Variants in DLGAP2 observed in about 807,000 individuals in gnomAD.
DLGAP2 encodes disks large-associated protein 2.
DLGAP2 carries 26 observed loss-of-function variants against 100.3 expected under a neutral mutation model. That is an observed-to-expected ratio of 0.26 (90% CI 0.19 to 0.36). The LOEUF (loss-of-function observed/expected upper bound fraction) is 0.36, where lower values mean the gene tolerates loss of function less well. Among genes scored for constraint, DLGAP2 ranks in the 10% least tolerant of loss-of-function variants. DLGAP2 has a pLI of 1.00. For synonymous variants in DLGAP2, 886 were observed against 630.1 expected (o/e 1.41, Z -6.08); for missense variants, 1,858 against 1,453.2 (o/e 1.28, Z -4.53).
At chr8:1,280,798 G>T (rs927480585) in intron 3 of DLGAP2, among the ~76,000 whole-genome samples, 12 of 152,188 alleles carry the variant, frequency 7.9e-5, no homozygotes, top group African/African-American at 2.7e-4. Flanking sequence ...GTTTGCAGAT[G>T]TCACCTGTAA....
chr8:1,464,872 G>A (rs1304270651), intron 3 of DLGAP2, among the ~76,000 whole-genome samples: 2 of 152,160 alleles, frequency 1.3e-5, no homozygotes, highest in Non-Finnish European at 2.9e-5. Flanking sequence ...TTTCAGAGGA[G>A]GACATAGAAT....
chr8:1,407,560 A>G (rs80235001), intron 3 of DLGAP2, among the ~76,000 whole-genome samples: 582 of 77,510 alleles, frequency 7.5e-3, no homozygotes, highest in African/African-American at 0.029. Context: ...CCACCTCCTC[A>G]TCCTCCAGAG....
intron 3 of DLGAP2, among the ~76,000 whole-genome samples, chr8:1,498,384 A>T (rs984067953): frequency 2.0e-5 from 3 of 152,150 alleles, no homozygotes; most frequent in East Asian, 1.9e-4. Context: ...ATAAATAAAA[A>T]AAAAAAAATT....
At position 1,072,235 on chromosome 8, in the gene DLGAP2, G is replaced by A. The variant is rs183407194; in HGVS notation, c.73+164269G>A. Among the ~76,000 whole-genome samples the A allele has an allele frequency of 8.8e-4, 134 of 152,264 alleles. 1 individual carries two copies. The highest frequency in any genetic ancestry group is 3.1e-3 in the African/African-American group (128 of 41,548). ...GGGACCGGGAGCCTCCTGATTGATG[G>A]TGTTCAGATGCAGGGCACTCTCTCC... On this transcript the variant is annotated intron_variant, in intron 2 of 14. Transcript: ENST00000637795.
intron 3 of DLGAP2, among the ~76,000 whole-genome samples, chr8:1,286,924 A>G (rs958314301): frequency 6.6e-6 from 1 of 152,254 alleles, no homozygotes; most frequent in Admixed American, 6.5e-5. Context: ...ATGAGGGCTT[A>G]TGCTTGAACT....
intron 1 of DLGAP2, among the ~76,000 whole-genome samples, chr8:866,264 C>A (rs1301548909): frequency 2.0e-5 from 3 of 152,172 alleles, no homozygotes; most frequent in African/African-American, 7.2e-5. Flanking sequence ...CGGTATCTCT[C>A]ATGGACTCTC....
intron 2 of DLGAP2, among the ~76,000 whole-genome samples, chr8:1,004,477 A>G (rs1801049026): frequency 6.6e-6 from 1 of 152,214 alleles, no homozygotes; most frequent in African/African-American, 2.4e-5. Context: ...TTGGAGTATT[A>G]TATTCAAAAT....
At chr8:1,115,986 C>T (rs988361132) in intron 2 of DLGAP2, among the ~76,000 whole-genome samples, 4 of 152,196 alleles carry the variant, frequency 2.6e-5, no homozygotes, top group African/African-American at 4.8e-5. Flanking sequence ...GCCCAGGAAA[C>T]GATCCCAGCA....
chr8:920,887 C>A (rs1055669907), intron 2 of DLGAP2, among the ~76,000 whole-genome samples: 6 of 152,206 alleles, frequency 3.9e-5, no homozygotes, highest in African/African-American at 1.2e-4. Flanking sequence ...TTACTGTGTG[C>A]TTGCTTCATG....
At chr8:1,671,559 A>C (rs548909318) in intron 10 of DLGAP2, among the ~76,000 whole-genome samples, 1 of 152,006 alleles carries the variant, frequency 6.6e-6, no homozygotes, top group Non-Finnish European at 1.5e-5. Flanking sequence ...CCACAATGCA[A>C]CTCCCTTGTT....
intron 1 of DLGAP2, among the ~76,000 whole-genome samples, chr8:826,158 A>C (rs1462091321): frequency 1.3e-5 from 2 of 152,134 alleles, no homozygotes; most frequent in Non-Finnish European, 1.5e-5. Context: ...ACAGGATCTC[A>C]TTCTTTTTTA....
At chr8:923,576 C>T (rs1041051749) in intron 2 of DLGAP2, among the ~76,000 whole-genome samples, 40 of 152,186 alleles carry the variant, frequency 2.6e-4, no homozygotes, top group Admixed American at 8.5e-4. Context: ...CAGGGGGTGA[C>T]GTTTAAGTGT....
At chr8:1,050,682 T>G (rs1405965452) in intron 2 of DLGAP2, among the ~76,000 whole-genome samples, 3 of 152,204 alleles carry the variant, frequency 2.0e-5, no homozygotes, top group African/African-American at 7.2e-5. Flanking sequence ...TCTTGACATT[T>G]AAGTAGCTTC....
chr8:1,417,494 G>A (rs928537529), intron 3 of DLGAP2, among the ~76,000 whole-genome samples: 8 of 152,174 alleles, frequency 5.3e-5, no homozygotes, highest in African/African-American at 1.4e-4. Context: ...CAGTTTCCAC[G>A]GGGCTCACCA....
intron 8 of DLGAP2, among the ~76,000 whole-genome samples, chr8:1,642,028 CGA>C (rs2130795953): frequency 3.4e-5 from 1 of 29,524 alleles, no homozygotes. Flanking sequence ...GTGTCACCCT[CGA>C]CCCTGCCGGC....
At chr8:1,274,350 C>G (rs1437628825) in intron 3 of DLGAP2, among the ~76,000 whole-genome samples, 1 of 152,008 alleles carries the variant, frequency 6.6e-6, no homozygotes, top group Non-Finnish European at 1.5e-5. Flanking sequence ...AATAAGCCAG[C>G]ACGTATAAGA....
intron 2 of DLGAP2, among the ~76,000 whole-genome samples, chr8:1,176,726 C>G (rs932266737): frequency 1.3e-5 from 2 of 152,096 alleles, no homozygotes; most frequent in Non-Finnish European, 2.9e-5. Flanking sequence ...GTTGTGCACT[C>G]AGGTGCAGCC....
rs972344915 is a variant in DLGAP2, at chr8:818,545, G to T, written c.18+80720G>T. On this transcript the variant is annotated intron_variant, in intron 1 of 14. Coordinates refer to ENST00000637795, the MANE Select transcript of DLGAP2 (RefSeq NM_001346810.2). ...TCTGTGGATTCTCTTGGCTTTCCTA[G>T]TATGTTCCTGCCGTAGTTCTTGGGG... is the stretch of plus-strand genomic sequence containing the variant. 3.3e-5 allele frequency among the ~76,000 whole-genome samples: 5 copies of T among 152,280 alleles called. No homozygotes were observed. The East Asian group carries it at 9.7e-4, about 29-fold the overall frequency.
At chr8:1,577,499 C>G (rs952928173) in intron 6 of DLGAP2, among the ~76,000 whole-genome samples, 1 of 140,646 alleles carries the variant, frequency 7.1e-6, no homozygotes, top group Admixed American at 7.5e-5. Flanking sequence ...ACCCGGGAGG[C>G]GGAGGTTGCA....
Sources: gnomAD v4.1 joint callset for allele counts (sites outside exome capture counted in the v4.1 genomes callset) on GRCh38, gnomAD v4.1.1 for gene constraint, MANE v1.5 for transcripts, NCBI Gene and HGNC (gene_info 2026-07-23, HGNC 2026-07-21) for gene names.